The following AHCY variants were observed in gnomAD, a reference collection of about 807,000 sequenced individuals.
AHCY encodes the protein adenosylhomocysteinase.
Under a neutral mutation model 45.4 loss-of-function variants are expected in AHCY, and 24 were observed. The ratio of observed to expected loss-of-function variants is 0.53; its 90% CI spans 0.38 to 0.74. AHCY has a LOEUF of 0.74. Among genes scored for constraint, AHCY ranks in the 30% least tolerant of loss-of-function variants. AHCY has a pLI of 0.00. For missense variants in AHCY, 449 were observed against 594.1 expected (o/e 0.76, Z 2.54); for synonymous variants, 245 against 235.1 (o/e 1.04, Z -0.39).
chr20:34,246,061 T>A, the AHCY span: 8 of 891,338 alleles, frequency 9.0e-6, no homozygotes, highest in Non-Finnish European at 1.3e-5. Context: ...AATAATTTCA[T>A]CCTCCCCATT....
chr20:34,262,871 C>A, the AHCY span: 1 of 1,613,980 alleles, frequency 6.2e-7, no homozygotes, highest in Middle Eastern at 1.6e-4. Context: ...AGAAAAGCAG[C>A]AGAAAAGAAA....
At chr20:34,298,612 G>A (rs992930662) in intron 1 of AHCY, among the ~76,000 whole-genome samples, 1 of 149,284 alleles carries the variant, frequency 6.7e-6, no homozygotes, top group East Asian at 2.0e-4. Context: ...CGGCGGGAGG[G>A]GGGGGGGTGT....
the AHCY span, among the ~76,000 whole-genome samples, chr20:34,265,266 TA>T: frequency 6.6e-6 from 1 of 152,166 alleles, no homozygotes; most frequent in African/African-American, 2.4e-5. Context: ...CTCACACCTA[TA>T]ATCCCAGCAC....
At chr20:34,305,681 A>T (rs2036888513), upstream of AHCY, among the ~76,000 whole-genome samples, 1 of 152,200 alleles carries the variant, frequency 6.6e-6, no homozygotes, top group African/African-American at 2.4e-5. Context: ...ACAAGTAGAA[A>T]AGGACACAGC....
upstream of AHCY, among the ~76,000 whole-genome samples, chr20:34,305,455 G>A (rs1190623392): frequency 6.6e-6 from 1 of 152,138 alleles, no homozygotes; most frequent in South Asian, 2.1e-4. Flanking sequence ...ACTTCCTGAG[G>A]GAACGAGGGT....
chr20:34,272,978 A>C, the AHCY span, among the ~76,000 whole-genome samples: 5 of 152,218 alleles, frequency 3.3e-5, no homozygotes, highest in Non-Finnish European at 7.3e-5. Flanking sequence ...AGGGGTGCAG[A>C]GCTTCTGCGT....
the AHCY span, among the ~76,000 whole-genome samples, chr20:34,268,661 G>A: frequency 6.6e-6 from 1 of 151,876 alleles, no homozygotes; most frequent in Non-Finnish European, 1.5e-5. Context: ...GCCTGAGCCC[G>A]AGATCGAGAT....
chr20:34,267,555 G>C, the AHCY span, among the ~76,000 whole-genome samples: 2 of 149,670 alleles, frequency 1.3e-5, no homozygotes, highest in Non-Finnish European at 3.0e-5. Context: ...TTTTGAGACA[G>C]AGTTTTGCTC....
the AHCY span, chr20:34,269,065 C>G: frequency 1.3e-6 from 2 of 1,590,958 alleles, no homozygotes; most frequent in East Asian, 4.6e-5. Flanking sequence ...CCCGCAACAG[C>G]TGCAAGCCGC....
rs1225275836 is a variant in AHCY at position 34,290,968 on chromosome 20, G to T, written c.559-30C>A. 6.2e-7 allele frequency: 1 copy of T among 1,611,446 alleles called. No individual in the cohort carries two copies. Among genetic ancestry groups the T allele is most frequent in the African/African-American group, 1.3e-5 (1 of 74,952 alleles). On this transcript the variant is annotated intron_variant, in intron 5 of 9. Transcript: ENST00000217426. This position sits in a 1 kb window ranked among gnomAD's most constrained non-coding sequence, Gnocchi z 4.5. ...AAGGAAAGGGGGTAAGGAGACAATA[G>T]GGGCAGGCAAGGCCCTGGGGCCAGG... is the stretch of plus-strand genomic sequence containing the variant.
chr20:34,260,619 C>T, the AHCY span: 135 of 1,388,070 alleles, frequency 9.7e-5, no homozygotes, highest in Non-Finnish European at 1.3e-4. Context: ...CCAGGATCCA[C>T]CGCCATGGTC....
chr20:34,244,539 C>T, the AHCY span, among the ~76,000 whole-genome samples: 1 of 152,104 alleles, frequency 6.6e-6, no homozygotes, highest in Non-Finnish European at 1.5e-5. Context: ...TAAACATATG[C>T]GTAATATTCT....
the AHCY span, among the ~76,000 whole-genome samples, chr20:34,256,876 G>A: frequency 1.3e-5 from 2 of 151,934 alleles, no homozygotes; most frequent in East Asian, 3.9e-4. Flanking sequence ...AACTTCCTGG[G>A]GTCAGGTGAT....
chr20:34,303,488 A>T (rs1000519702), upstream of AHCY: 3 of 717,710 alleles, frequency 4.2e-6, no homozygotes, highest in Non-Finnish European at 7.1e-6. Flanking sequence ...TCAGAATTTC[A>T]CAAGGCGTGG....
chr20:34,310,285 G>A lies in AHCY; in HGVS notation c.-57+1187C>T, dbSNP rs745565162. The stretch of plus-strand genomic sequence containing the variant: ...TATGTTGGCCAGGCTGGTCTTGAAC[G>A]CCTGACCTCGTGATCCACCTGCCTT... On this transcript the variant is annotated intron_variant, in intron 1 of 9. Coordinates refer to the AHCY transcript ENST00000538132. Among the ~76,000 whole-genome samples the A allele has an allele frequency of 9.9e-5, 15 of 152,154 alleles. No individual in the cohort carries two copies. The East Asian group carries it at 2.9e-3, about 29-fold the overall frequency.
In AHCY at chr20:34,302,025, G is replaced by C. The variant is rs770341672; in HGVS notation, c.28+1218C>G. 19 of 948,186 alleles carry C rather than the reference G, an allele frequency of 2.0e-5. No individual in the cohort carries two copies. The African/African-American group carries it at 3.0e-4, about 15-fold the overall frequency. 58.7% of individuals were successfully genotyped at this position (948,186 alleles called of 1,614,324 possible). On this transcript the variant is annotated intron_variant, in intron 1 of 9. Coordinates refer to ENST00000217426, the MANE Select transcript of AHCY (RefSeq NM_000687.4). Reference sequence around the variant, plus strand: ...TTGTTTGTTTTTTTTTTTTGAGACAGGGTCTTGCTCTGTTGCCCAGGTTGG... The same window carrying C: ...TTGTTTGTTTTTTTTTTTTGAGACACGGTCTTGCTCTGTTGCCCAGGTTGG...
At chr20:34,302,443 A>T (rs1239661995) in intron 1 of AHCY, 1 of 249,886 alleles carries the variant, frequency 4.0e-6, no homozygotes, top group Non-Finnish European at 6.4e-6. Context: ...CTGCGTTCCA[A>T]TCTTGCTCCA....
intron 1 of AHCY, among the ~76,000 whole-genome samples, chr20:34,308,955 A>ATTT (rs769193254): frequency 1.8e-4 from 16 of 89,574 alleles, no homozygotes; most frequent in African/African-American, 5.1e-4. Context: ...CGCCTGGCCA[A>ATTT]TTTTTTTTTT....
At chr20:34,291,043 C>A in intron 5 of AHCY, 105 bp from the exon 6 acceptor site, 1 of 1,141,682 alleles carries the variant, frequency 8.8e-7, no homozygotes, top group Non-Finnish European at 1.3e-6. Flanking sequence ...ATGGGCCCAC[C>A]AAGCATCCCG....
Sources: gnomAD v4.1 joint callset for allele counts (sites outside exome capture counted in the v4.1 genomes callset) on GRCh38, gnomAD v4.1.1 for gene constraint, Gnocchi (gnomAD v3.1) non-coding constraint, MANE v1.5 for transcripts, NCBI Gene and HGNC (gene_info 2026-07-23, HGNC 2026-07-21) for gene names.